Variants in RAB3IP observed in about 807,000 individuals in gnomAD.
RAB3IP encodes the protein rab-3A-interacting protein.
In RAB3IP, 36 loss-of-function variants were observed where a neutral mutation model predicts 59.1. That is an observed-to-expected ratio of 0.61 (90% confidence interval 0.47 to 0.80). The LOEUF (loss-of-function observed/expected upper bound fraction) is 0.80. Among genes scored for constraint, RAB3IP ranks in the 30% least tolerant of loss-of-function variants. RAB3IP has a pLI of 0.00. For synonymous variants in RAB3IP, 207 were observed against 191.2 expected (o/e 1.08, Z -0.68); for missense variants, 511 against 536.0 (o/e 0.95, Z 0.46).
chr12:69,791,826 A>G (rs1815643832), intron 4 of RAB3IP, among the ~76,000 whole-genome samples: 1 of 152,200 alleles, frequency 6.6e-6, no homozygotes, highest in Non-Finnish European at 1.5e-5. Flanking sequence ...TATATATCCA[A>G]AAGAAAATTG....
Position 69,812,805 on chromosome 12 carries a change from G to A in RAB3IP, c.1158G>A (p.Lys386=). 1.2e-6 allele frequency: 2 copies of A among 1,612,990 alleles called. No homozygotes were observed. Among genetic ancestry groups the A allele is most frequent in the Non-Finnish European group, 1.7e-6 (2 of 1,179,124 alleles). The change falls in exon 9 of 11, where the codon AAG becomes AAA. Residue 386 remains lysine (K), a synonymous_variant. Transcript: ENST00000247833. The part of the protein sequence containing the change: ...PKKCALTGQS[K]SCKHRIKLGD... ...AATGTGCTCTCACTGGCCAGAGTAAGTCCTGTAAACACAGAATTAAATTAG... is the reference window on the plus strand; with the variant it reads ...AATGTGCTCTCACTGGCCAGAGTAAATCCTGTAAACACAGAATTAAATTAG...
chr12:69,796,734 T>C (rs1877487186), intron 6 of RAB3IP: 1 of 508,552 alleles, frequency 2.0e-6, no homozygotes, highest in Non-Finnish European at 3.5e-6. Context: ...GAAACTTCTT[T>C]GTCCTAACTT....
In RAB3IP at chr12:69,744,834, CAT is replaced by C. The variant is rs1224171837; in HGVS notation, c.-26+5805_-26+5806del. Among the ~76,000 whole-genome samples, 95 of 152,100 alleles carry C rather than the reference CAT, an allele frequency of 6.2e-4. 1 individual carries two copies. Among genetic ancestry groups the C allele is most frequent in the African/African-American group, 2.2e-3 (92 of 41,490 alleles). On this transcript the variant is annotated intron_variant, in intron 1 of 10. Coordinates refer to ENST00000247833, the MANE Select transcript of RAB3IP (RefSeq NM_022456.5). ...TATTAATTACATTTGCATTTATAAA[CAT>C]AGAATGCTTCTTAAAAGATAAATGT...
intron 1 of RAB3IP, 104 bp from the exon 2 acceptor site, chr12:69,755,280 T>G: frequency 9.6e-7 from 1 of 1,038,642 alleles, no homozygotes; most frequent in Admixed American, 2.8e-5. Flanking sequence ...TGTAAGCTTA[T>G]AATTTACAAT....
intron 10 of RAB3IP, among the ~76,000 whole-genome samples, chr12:69,813,735 C>T (rs1168548277): frequency 2.0e-5 from 3 of 151,984 alleles, no homozygotes; most frequent in African/African-American, 7.2e-5. Flanking sequence ...AGGGACAAGT[C>T]TGTGCCAGTT....
chr12:69,749,736 G>A (rs1868924731), intron 1 of RAB3IP, among the ~76,000 whole-genome samples: 1 of 152,058 alleles, frequency 6.6e-6, no homozygotes, highest in African/African-American at 2.4e-5. Flanking sequence ...ATTTTTTCGG[G>A]AATCCTTTGT....
At chr12:69,751,378 G>A (rs1869255773) in intron 1 of RAB3IP, among the ~76,000 whole-genome samples, 1 of 152,116 alleles carries the variant, frequency 6.6e-6, no homozygotes, top group South Asian at 2.1e-4. Flanking sequence ...TTTTCCCAAG[G>A]AGCCTGTGTT....
chr12:69,741,056 T>G (rs11177819), intron 1 of RAB3IP, among the ~76,000 whole-genome samples: 11,996 of 152,282 alleles, frequency 0.079, 551 homozygotes, highest in South Asian at 0.13. Context: ...ATTGCTAATA[T>G]TCTGCTGTTT....
intron 3 of RAB3IP, among the ~76,000 whole-genome samples, chr12:69,773,177 C>A (rs1050179168): frequency 2.0e-5 from 3 of 152,006 alleles, no homozygotes; most frequent in African/African-American, 7.2e-5. Context: ...TATTGGAATT[C>A]TTTTGTATGT....
intron 8 of RAB3IP, among the ~76,000 whole-genome samples, chr12:69,810,517 C>A (rs1880272188): frequency 6.6e-6 from 1 of 152,190 alleles, no homozygotes; most frequent in Non-Finnish European, 1.5e-5. Context: ...CTTGGCTCCA[C>A]CCTCCAGAAA....
Position 69,815,998 on chromosome 12 carries a change from G to A in RAB3IP, c.*552G>A, listed in dbSNP as rs1881098872. ...TACTATTTTAATTATTCTGCTCTCT[G>A]TAACTGAAAGAATCCCTTTATTTTG... On this transcript the variant is annotated 3_prime_UTR_variant, in exon 11 of 11. Transcript: ENST00000247833. The A allele has an allele frequency of 6.6e-6, 1 of 152,586 alleles. No homozygotes were observed. The highest frequency in any genetic ancestry group is 2.4e-5 in the African/African-American group (1 of 41,452). The allele number at this position is 152,586 out of a possible 1,614,324, so 9.5% of individuals were successfully genotyped here. A position where few individuals can be genotyped will look rare whatever the true frequency, so the allele number is the denominator to read the frequency against.
chr12:69,772,653 C>G (rs1464208355), intron 3 of RAB3IP, among the ~76,000 whole-genome samples: 1 of 152,146 alleles, frequency 6.6e-6, no homozygotes, highest in Admixed American at 6.5e-5. Context: ...TAATTTTGAT[C>G]TCAAAGAAAA....
At chr12:69,803,240 G>A (rs1878671988) in intron 8 of RAB3IP, among the ~76,000 whole-genome samples, 1 of 152,036 alleles carries the variant, frequency 6.6e-6, no homozygotes, top group African/African-American at 2.4e-5. Context: ...AAAGTTTAAG[G>A]ATATTGTGCT....
intron 3 of RAB3IP, among the ~76,000 whole-genome samples, chr12:69,758,218 G>T (rs762719529): frequency 6.6e-6 from 1 of 152,028 alleles, no homozygotes; most frequent in South Asian, 2.1e-4. Context: ...TATTTAATAC[G>T]AGTTTCTTAT....
At chr12:69,771,487 A>C (rs963201194) in intron 3 of RAB3IP, among the ~76,000 whole-genome samples, 4 of 151,718 alleles carry the variant, frequency 2.6e-5, no homozygotes, top group Non-Finnish European at 4.4e-5. Context: ...TGATCATGTC[A>C]CTGCACTCCA....
At chr12:69,762,023 T>C (rs1334489182) in intron 3 of RAB3IP, among the ~76,000 whole-genome samples, 3 of 152,202 alleles carry the variant, frequency 2.0e-5, no homozygotes, top group African/African-American at 7.2e-5. Flanking sequence ...GGCTTAGATA[T>C]GATACACATC....
At chr12:69,766,546 GT>G (rs1169683564) in intron 3 of RAB3IP, among the ~76,000 whole-genome samples, 1 of 147,076 alleles carries the variant, frequency 6.8e-6, no homozygotes, top group Non-Finnish European at 1.5e-5. Context: ...TTTTAAGACA[GT>G]TTCACTCTTG....
At chr12:69,741,061 C>T (rs1173632069) in intron 1 of RAB3IP, among the ~76,000 whole-genome samples, 1 of 152,184 alleles carries the variant, frequency 6.6e-6, no homozygotes, top group African/African-American at 2.4e-5. Context: ...TAATATTCTG[C>T]TGTTTTTTAT....
chr12:69,749,148 A>C (rs7297901), intron 1 of RAB3IP, among the ~76,000 whole-genome samples: 48,826 of 152,064 alleles, frequency 0.32, 8,250 homozygotes, highest in Non-Finnish European at 0.37. Flanking sequence ...GCAGGAGGTA[A>C]GTGGCAGAAG....
Sources: gnomAD v4.1 joint callset for allele counts (sites outside exome capture counted in the v4.1 genomes callset) on GRCh38, gnomAD v4.1.1 for gene constraint, MANE v1.5 for transcripts, NCBI Gene and HGNC (gene_info 2026-07-23, HGNC 2026-07-21) for gene names.